SLC28A1: variants seen among roughly 807,000 people sequenced by gnomAD.
SLC28A1 encodes the protein sodium/nucleoside cotransporter 1.
SLC28A1 carries 64 observed loss-of-function variants against 74.8 expected under a neutral mutation model. That is an observed-to-expected ratio of 0.86 (90% CI 0.70 to 1.05). SLC28A1 has a LOEUF of 1.05. SLC28A1 is among the 50% of genes least tolerant of loss of function. SLC28A1 has a pLI of 0.00. For synonymous variants in SLC28A1, 359 were observed against 335.0 expected (o/e 1.07, Z -0.78); for missense variants, 828 against 822.8 (o/e 1.01, Z -0.08).
intron 9 of SLC28A1, among the ~76,000 whole-genome samples, chr15:84,910,477 C>T (rs1967999085): frequency 6.6e-6 from 1 of 152,200 alleles, no homozygotes; most frequent in South Asian, 2.1e-4. Context: ...GCCTGTAATC[C>T]TAGCACTTTG....
At chr15:84,952,159 A>C in the SLC28A1 span, among the ~76,000 whole-genome samples, 63 of 152,304 alleles carry the variant, frequency 4.1e-4, no homozygotes, top group African/African-American at 1.5e-3. Context: ...TCAGGTCCCC[A>C]TCCTGCTCCC....
At chr15:84,932,318 A>G (rs557954565) in intron 12 of SLC28A1, among the ~76,000 whole-genome samples, 1 of 152,170 alleles carries the variant, frequency 6.6e-6, no homozygotes, top group Non-Finnish European at 1.5e-5. Flanking sequence ...GAAACGTGTC[A>G]TATTTCTCTG....
chr15:84,971,069 C>T, the SLC28A1 span, among the ~76,000 whole-genome samples: 1 of 152,066 alleles, frequency 6.6e-6, no homozygotes, highest in Non-Finnish European at 1.5e-5. Context: ...TTGATCTCAG[C>T]GAACTATTCT....
chr15:84,959,498 C>T, the SLC28A1 span, among the ~76,000 whole-genome samples: 2 of 151,626 alleles, frequency 1.3e-5, no homozygotes, highest in African/African-American at 4.9e-5. Flanking sequence ...TAATGTTAGA[C>T]CCTCCGAATT....
the SLC28A1 span, among the ~76,000 whole-genome samples, chr15:84,960,648 C>A: frequency 6.6e-6 from 1 of 152,256 alleles, no homozygotes; most frequent in East Asian, 1.9e-4. Context: ...GGGTGATGGG[C>A]AGGTGGGCCT....
chr15:84,905,781 C>T, intron 8 of SLC28A1, 129 bp downstream of exon 8: 1 of 764,796 alleles, frequency 1.3e-6, no homozygotes, highest in Non-Finnish European at 2.3e-6. Flanking sequence ...GTGGGGTGGA[C>T]TGGGGCCCCA....
At chr15:84,897,405 C>T (rs906938216) in intron 6 of SLC28A1, among the ~76,000 whole-genome samples, 4 of 148,402 alleles carry the variant, frequency 2.7e-5, no homozygotes, top group Non-Finnish European at 5.9e-5. Context: ...AAATCCAAAC[C>T]AAACAAACAA....
intron 15 of SLC28A1, 71 bp from the exon 16 acceptor site, chr15:84,943,374 C>T (rs1293109894): frequency 1.9e-6 from 2 of 1,072,072 alleles, no homozygotes; most frequent in South Asian, 1.3e-5. Flanking sequence ...GGCCAGGGAG[C>T]CTGGGTGTTA....
chr15:84,944,903 A>C (rs1211268303), intron 18 of SLC28A1, 36 bp downstream of exon 18: 1 of 1,414,110 alleles, frequency 7.1e-7, no homozygotes, highest in Admixed American at 1.7e-5. Flanking sequence ...CAGGGCACCC[A>C]CAGTGATAGA....
chr15:84,894,852 G>A, intron 5 of SLC28A1, 88 bp from the exon 6 acceptor site: 2 of 1,286,176 alleles, frequency 1.6e-6, no homozygotes, highest in Non-Finnish European at 2.3e-6. Flanking sequence ...CGCTCTGGGT[G>A]GAGTAAGGTG....
At position 84,890,507 on chromosome 15, in the gene SLC28A1, T is replaced by C. The variant is rs750879284; in HGVS notation, c.250T>C (p.Trp84Arg). ...CAGGGAGCACATGCAGCTGTTTCGATGGATCGGCACAGGCCTGCTCTGCAC... is the reference window on the plus strand; with the variant it reads ...CAGGGAGCACATGCAGCTGTTTCGACGGATCGGCACAGGCCTGCTCTGCAC... ...FCREHMQLFRWIGTGLLCTGL... is the reference protein window; with the variant it reads ...FCREHMQLFRRIGTGLLCTGL... Residue 84 changes from tryptophan to arginine, a missense_variant, in exon 5 of 19, where the codon TGG becomes CGG. Trp to Arg is a moderately radical substitution (Grantham distance 101). Around this residue, in one of 3 missense-constraint regions of SLC28A1, gnomAD observed 767 missense variants for 753.5 expected, o/e 1.02. Transcript: ENST00000394573. 5 of 1,611,458 alleles carry C rather than the reference T, an allele frequency of 3.1e-6. No homozygotes were observed. In the East Asian group the frequency reaches 8.9e-5, roughly 29 times the overall value.
chr15:84,893,343 G>A (rs1965580593), intron 5 of SLC28A1, among the ~76,000 whole-genome samples: 1 of 152,128 alleles, frequency 6.6e-6, no homozygotes, highest in African/African-American at 2.4e-5. Context: ...AACCCCCATG[G>A]CCGGTGCCAG....
At chr15:84,961,111 C>T in the SLC28A1 span, among the ~76,000 whole-genome samples, 1 of 152,120 alleles carries the variant, frequency 6.6e-6, no homozygotes, top group Admixed American at 6.5e-5. Context: ...CCTCCGAACT[C>T]GTAGGGGTGT....
the SLC28A1 span, among the ~76,000 whole-genome samples, chr15:84,968,161 C>T: frequency 8.5e-5 from 13 of 152,300 alleles, no homozygotes; most frequent in East Asian, 2.3e-3. Context: ...GCCCATCTAA[C>T]CCTTGAAGAG....
At chr15:84,887,890 C>G in intron 3 of SLC28A1, 34 bp downstream of exon 3, 1 of 1,512,976 alleles carries the variant, frequency 6.6e-7, no homozygotes, top group Non-Finnish European at 9.2e-7. Flanking sequence ...ATCCTGACCC[C>G]TCAGCCTCTT....
intron 10 of SLC28A1, 73 bp downstream of exon 10, chr15:84,918,677 G>C: frequency 6.8e-6 from 8 of 1,181,960 alleles, no homozygotes; most frequent in Non-Finnish European, 1.0e-5. Context: ...GTCCCAGAAT[G>C]CCTTGCTCCC....
intron 6 of SLC28A1, among the ~76,000 whole-genome samples, chr15:84,898,787 G>A (rs1366237496): frequency 1.3e-5 from 2 of 152,130 alleles, no homozygotes; most frequent in African/African-American, 2.4e-5. Flanking sequence ...GGTCTCCCCA[G>A]CTGACTGCCT....
the SLC28A1 span, among the ~76,000 whole-genome samples, chr15:84,952,654 G>T: frequency 6.6e-6 from 1 of 152,234 alleles, no homozygotes; most frequent in Non-Finnish European, 1.5e-5. Flanking sequence ...GGGAGGCCGA[G>T]GCAGGAGAAT....
intron 7 of SLC28A1, 133 bp downstream of exon 7, chr15:84,904,371 G>T: frequency 7.6e-7 from 1 of 1,308,340 alleles, no homozygotes; most frequent in Non-Finnish European, 1.1e-6. Context: ...CCTGGAGAAG[G>T]CCTGTGTGTA....
Sources: allele counts gnomAD v4.1 joint callset (sites outside exome capture counted in the v4.1 genomes callset), GRCh38; gene constraint gnomAD v4.1.1; regional missense constraint gnomAD v4.1.1; transcripts MANE v1.5; gene names NCBI Gene and HGNC (gene_info 2026-07-23, HGNC 2026-07-21).